The following GPC6 variants were observed in gnomAD, a reference collection of about 807,000 sequenced individuals.
The protein encoded by GPC6 is glypican-6.
Under a neutral mutation model 55.2 loss-of-function variants are expected in GPC6, and 14 were observed. The observed-to-expected ratio is 0.25, with a 90% confidence interval of 0.17 to 0.40. GPC6 has a LOEUF of 0.40. Ranked by LOEUF, GPC6 falls within the 10% of genes least tolerant of loss-of-function variation. The pLI is 1.00. For synonymous variants in GPC6, 278 were observed against 259.6 expected (o/e 1.07, Z -0.68); for missense variants, 641 against 708.5 (o/e 0.90, Z 1.08).
At chr13:93,690,465 A>T (rs145933294) in intron 2 of GPC6, among the ~76,000 whole-genome samples, 56 of 152,064 alleles carry the variant, frequency 3.7e-4, no homozygotes, top group African/African-American at 1.3e-3. Context: ...ATACCCCTTT[A>T]TTTGATTTTT....
intron 3 of GPC6, among the ~76,000 whole-genome samples, chr13:93,948,864 GT>G (rs1329789050): frequency 1.3e-5 from 2 of 152,050 alleles, no homozygotes; most frequent in Non-Finnish European, 2.9e-5. Flanking sequence ...CTTGTTTTTT[GT>G]TTGCTTTGTA....
intron 1 of GPC6, among the ~76,000 whole-genome samples, chr13:93,321,132 TAAG>T (rs1879424296): frequency 6.6e-6 from 1 of 152,164 alleles, no homozygotes; most frequent in Non-Finnish European, 1.5e-5. Context: ...CACTCTGTCT[TAAG>T]AAGCTGAAGT....
chr13:93,419,259 T>C (rs1876835539), intron 1 of GPC6, among the ~76,000 whole-genome samples: 1 of 151,730 alleles, frequency 6.6e-6, no homozygotes, highest in Non-Finnish European at 1.5e-5. Flanking sequence ...TTGTGATTAG[T>C]TGAAAGCTAG....
At chr13:94,246,666 T>C (rs1382612822) in intron 4 of GPC6, among the ~76,000 whole-genome samples, 1 of 152,082 alleles carries the variant, frequency 6.6e-6, no homozygotes, top group Admixed American at 6.6e-5. Context: ...AGTAGTTGAT[T>C]ATATATGTTT....
At chr13:93,737,500 A>G (rs770546793) in intron 2 of GPC6, among the ~76,000 whole-genome samples, 4 of 152,166 alleles carry the variant, frequency 2.6e-5, no homozygotes, top group Non-Finnish European at 5.9e-5. Context: ...TGAAAGGAAG[A>G]CAATCAAAGT....
chr13:94,000,826 G>A (rs1392552368), intron 3 of GPC6, among the ~76,000 whole-genome samples: 1 of 152,078 alleles, frequency 6.6e-6, no homozygotes, highest in East Asian at 1.9e-4. Flanking sequence ...TTCTGGTGTG[G>A]GACTCTATAG....
intron 2 of GPC6, among the ~76,000 whole-genome samples, chr13:93,547,420 TA>T (rs1285310826): frequency 1.3e-5 from 2 of 152,158 alleles, no homozygotes; most frequent in Non-Finnish European, 2.9e-5. Context: ...ATTATATCAA[TA>T]ACTTTTAATA....
Position 93,619,332 on chromosome 13 carries a change from A to C in GPC6, c.319+73911A>C, listed in dbSNP as rs1878855977. ...TTTTGTCTTTCATGTTTTGCTTCTC[A>C]CATTGACTACATGGATTATTTTAAA... On this transcript the variant is annotated intron_variant, in intron 2 of 8. Coordinates refer to ENST00000377047, the MANE Select transcript of GPC6 (RefSeq NM_005708.5). 2.0e-5 allele frequency among the ~76,000 whole-genome samples: 3 copies of C among 152,284 alleles called. No individual in the cohort carries two copies. The South Asian group carries it at 6.2e-4, about 32-fold the overall frequency.
At chr13:93,423,367 A>G (rs1312113214) in intron 1 of GPC6, among the ~76,000 whole-genome samples, 2 of 152,238 alleles carry the variant, frequency 1.3e-5, no homozygotes, top group Non-Finnish European at 1.5e-5. Context: ...TGTTTATAAA[A>G]GAAAAAGTCA....
chr13:93,969,897 G>A (rs908883348), intron 3 of GPC6, among the ~76,000 whole-genome samples: 7 of 152,048 alleles, frequency 4.6e-5, no homozygotes, highest in African/African-American at 4.8e-5. Context: ...GCAAATGACA[G>A]GATTTCATTT....
At chr13:94,052,843 C>A (rs1055762870) in intron 4 of GPC6, among the ~76,000 whole-genome samples, 12 of 152,122 alleles carry the variant, frequency 7.9e-5, no homozygotes, top group African/African-American at 2.9e-4. Flanking sequence ...CCCCTTGGGA[C>A]TCTGGCTCAT....
chr13:93,769,295 A>G (rs1885217331), intron 2 of GPC6, among the ~76,000 whole-genome samples: 1 of 152,184 alleles, frequency 6.6e-6, no homozygotes, highest in Admixed American at 6.6e-5. Context: ...GTTTAATAGC[A>G]AGAAGGAATG....
intron 2 of GPC6, among the ~76,000 whole-genome samples, chr13:93,740,369 A>T (rs888994937): frequency 2.0e-5 from 3 of 152,232 alleles, no homozygotes; most frequent in Non-Finnish European, 2.9e-5. Flanking sequence ...GAAACATTTC[A>T]AATGCCAGAG....
At chr13:93,544,893 G>A (rs924355274) in intron 1 of GPC6, among the ~76,000 whole-genome samples, 2 of 152,056 alleles carry the variant, frequency 1.3e-5, no homozygotes, top group African/African-American at 4.8e-5. Flanking sequence ...AGTGTCTTTT[G>A]CCTTACTTGA....
At chr13:93,775,247 C>T (rs1885429718) in intron 2 of GPC6, among the ~76,000 whole-genome samples, 1 of 152,166 alleles carries the variant, frequency 6.6e-6, no homozygotes, top group African/African-American at 2.4e-5. Flanking sequence ...TCAAGTGATC[C>T]TCCTGCCTCA....
intron 3 of GPC6, among the ~76,000 whole-genome samples, chr13:93,915,906 T>TAGA (rs201497657): frequency 5.9e-5 from 9 of 152,298 alleles, no homozygotes; most frequent in African/African-American, 2.2e-4. Flanking sequence ...GCAGAGGAGC[T>TAGA]AGAAGTGTCC....
At chr13:93,959,015 A>G (rs1784602755) in intron 3 of GPC6, among the ~76,000 whole-genome samples, 1 of 152,184 alleles carries the variant, frequency 6.6e-6, no homozygotes. Flanking sequence ...TGACTTTTGT[A>G]CATTGATTTT....
chr13:94,208,119 C>T (rs1297991798), intron 4 of GPC6, among the ~76,000 whole-genome samples: 1 of 152,132 alleles, frequency 6.6e-6, no homozygotes, highest in Non-Finnish European at 1.5e-5. Flanking sequence ...TTCATTTATT[C>T]AATAAGCATT....
chr13:93,700,761 A>ATT (rs1251102133), intron 2 of GPC6, among the ~76,000 whole-genome samples: 6 of 152,204 alleles, frequency 3.9e-5, no homozygotes, highest in Admixed American at 3.9e-4. Context: ...TTGATGCTTA[A>ATT]ACCCAAGTTT....
Sources: gnomAD v4.1 joint callset for allele counts (sites outside exome capture counted in the v4.1 genomes callset) on GRCh38, gnomAD v4.1.1 for gene constraint, MANE v1.5 for transcripts, NCBI Gene and HGNC (gene_info 2026-07-23, HGNC 2026-07-21) for gene names.